SMC2: variants seen among roughly 807,000 people sequenced by gnomAD.
The protein encoded by SMC2 is structural maintenance of chromosomes protein 2.
SMC2 carries 41 observed loss-of-function variants against 142.6 expected under a neutral mutation model. That is an observed-to-expected ratio of 0.29 (90% CI 0.22 to 0.37). The LOEUF (loss-of-function observed/expected upper bound fraction) is 0.37. Among genes scored for constraint, SMC2 ranks in the 10% least tolerant of loss-of-function variants. The probability of loss-of-function intolerance (pLI) is 1.00; values close to 1 mark genes in which losing one functional copy is unlikely to be tolerated. For synonymous variants in SMC2, 463 were observed against 457.5 expected (o/e 1.01, Z -0.15); for missense variants, 1,265 against 1,373.7 (o/e 0.92, Z 1.25).
intron 7 of SMC2, among the ~76,000 whole-genome samples, chr9:104,100,758 C>G (rs1352679371): frequency 6.6e-6 from 1 of 152,140 alleles, no homozygotes; most frequent in Non-Finnish European, 1.5e-5. Context: ...ATAAGGCACT[C>G]TTAGACACCC....
chr9:104,139,770 A>G lies in SMC2; in HGVS notation c.*455A>G, dbSNP rs543701414. On this transcript the variant is annotated 3_prime_UTR_variant, in exon 25 of 25. Transcript: ENST00000374793. ...AACTGGACCAACAAAGGGAACACATATAAAGCTATTATGCATGCATGGAGC... is the reference window on the plus strand; with the variant it reads ...AACTGGACCAACAAAGGGAACACATGTAAAGCTATTATGCATGCATGGAGC... 6.4e-6 allele frequency: 1 copy of G among 155,042 alleles called. No individual in the cohort carries two copies. Among genetic ancestry groups the G allele is most frequent in the East Asian group, 1.9e-4 (1 of 5,242 alleles). The allele number at this position is 155,042 out of a possible 1,614,324, so 9.6% of individuals were successfully genotyped here.
At chr9:104,118,994 C>T (rs2900359) in intron 15 of SMC2, among the ~76,000 whole-genome samples, 4,206 of 152,174 alleles carry the variant, frequency 0.028, 197 homozygotes, top group African/African-American at 0.096. Context: ...GCTTAAATAA[C>T]GCACTACAGG....
chr9:104,129,879 T>G (rs771867454), intron 21 of SMC2, 34 bp downstream of exon 21: 2 of 1,531,732 alleles, frequency 1.3e-6, no homozygotes, highest in East Asian at 2.3e-5. Flanking sequence ...CTGGCCGCAT[T>G]AGAACATGAC....
intron 9 of SMC2, among the ~76,000 whole-genome samples, chr9:104,106,379 T>G (rs943589671): frequency 8.5e-5 from 13 of 152,094 alleles, no homozygotes; most frequent in South Asian, 4.2e-4. Context: ...GATTTTTATT[T>G]ATTTTATTTT....
intron 13 of SMC2, 31 bp downstream of exon 13, chr9:104,114,860 A>C: frequency 6.3e-7 from 1 of 1,575,890 alleles, no homozygotes; most frequent in Non-Finnish European, 8.6e-7. Context: ...AAAAATTTAA[A>C]ATTTGGTTAG....
In SMC2 at chr9:104,114,040, A is replaced by C; in HGVS notation, c.1491A>C (p.Glu497Asp). ...TTGGTAGATTGAAAGAAACATATGAAGCTCTATTAGCCAGATTTCCCAATC... is the reference window on the plus strand; with the variant it reads ...TTGGTAGATTGAAAGAAACATATGACGCTCTATTAGCCAGATTTCCCAATC... ...RDIGRLKETYEALLARFPNLR... is the reference protein window; with the variant it reads ...RDIGRLKETYDALLARFPNLR... The change falls in exon 12 of 25, where the codon GAA becomes GAC. Residue 497 changes from glutamate (E) to aspartate (D), a missense_variant. Glu to Asp is a conservative substitution (Grantham distance 45). This residue lies in a region of SMC2 where 898 missense variants were observed against 904.2 expected (regional missense o/e 0.99). Transcript: ENST00000374793. 6.3e-7 allele frequency: 1 copy of C among 1,599,006 alleles called. No individual in the cohort carries two copies. Among genetic ancestry groups the C allele is most frequent in the South Asian group, 1.1e-5 (1 of 87,906 alleles).
chr9:104,093,547 A>G (rs1830123163), upstream of SMC2, among the ~76,000 whole-genome samples: 1 of 152,138 alleles, frequency 6.6e-6, no homozygotes. Flanking sequence ...AATATTCAGA[A>G]CTCAATAACA....
chr9:104,109,430 C>T (rs1236922866), intron 9 of SMC2, among the ~76,000 whole-genome samples: 1 of 152,194 alleles, frequency 6.6e-6, no homozygotes, highest in African/African-American at 2.4e-5. Flanking sequence ...CTGCCAACCT[C>T]GTTCAAGCCA....
In SMC2 at chr9:104,139,627, G is replaced by C. The variant is rs1835900748; in HGVS notation, c.*312G>C. On this transcript the variant is annotated 3_prime_UTR_variant, in exon 25 of 25. Coordinates refer to ENST00000374793, the MANE Select transcript of SMC2 (RefSeq NM_006444.3). ...TATGTAAAAGCTAATATACAAAAAA[G>C]CAGATTAAATTACATGATAAATGTA... is the stretch of plus-strand genomic sequence containing the variant. The C allele has an allele frequency of 5.2e-6, 1 of 191,064 alleles. No homozygotes were observed. The highest frequency in any genetic ancestry group is 1.1e-5 in the Non-Finnish European group (1 of 94,928). The allele number at this position is 191,064 out of a possible 1,614,324, so 11.8% of individuals were successfully genotyped here.
chr9:104,090,730 C>A (rs1176803328), upstream of SMC2, among the ~76,000 whole-genome samples: 1 of 152,084 alleles, frequency 6.6e-6, no homozygotes, highest in Non-Finnish European at 1.5e-5. Flanking sequence ...GTCCCATAAA[C>A]AAAACCATCC....
intron 6 of SMC2, 29 bp downstream of exon 6, chr9:104,100,232 GAGA>G (rs1564069716): frequency 2.7e-6 from 4 of 1,476,542 alleles, no homozygotes; most frequent in South Asian, 1.3e-5. Flanking sequence ...AATATTTTCG[GAGA>G]AGAATGTAAT....
At chr9:104,129,936 A>G in intron 21 of SMC2, 91 bp downstream of exon 21, 1 of 944,264 alleles carries the variant, frequency 1.1e-6, no homozygotes. Flanking sequence ...ATTAGAGTTA[A>G]CCTTTTGCAG....
Position 104,098,532 on chromosome 9 carries a change from C to T in SMC2, c.405C>T (p.Gly135=), listed in dbSNP as rs1357273272. ...TRVQDLFCSV[G]LNVNNPHFLI... is the part of the protein sequence containing the mutation. ...TACAGGATCTCTTCTGTTCTGTTGG[C>T]CTTAATGTTAACAACCCTCACTTTC... The change falls in exon 4 of 25, where the codon GGC becomes GGT. Residue 135 remains glycine (G), a synonymous_variant. Coordinates refer to ENST00000374793, the MANE Select transcript of SMC2 (RefSeq NM_006444.3). The T allele has an allele frequency of 2.8e-5, 44 of 1,595,680 alleles. No individual in the cohort carries two copies. The highest frequency in any genetic ancestry group is 4.1e-5 in the African/African-American group (3 of 73,716).
At position 104,139,361 on chromosome 9, in the gene SMC2, A is replaced by C. The variant is rs1161403001; in HGVS notation, c.*46A>C. ...TCTTGACCTGTTTTTTTAAATGTAA[A>C]CTTTTAAGGACTTGAGATAACTAAT... On this transcript the variant is annotated 3_prime_UTR_variant, in exon 25 of 25. Transcript: ENST00000374793. The C allele has an allele frequency of 1.4e-6, 2 of 1,450,266 alleles. No individual in the cohort carries two copies. The highest frequency in any genetic ancestry group is 1.9e-6 in the Non-Finnish European group (2 of 1,073,418). 89.8% of individuals were successfully genotyped at this position (1,450,266 alleles called of 1,614,324 possible). A position where few individuals can be genotyped will look rare whatever the true frequency, so the allele number is the denominator to read the frequency against.
At chr9:104,116,954 T>A (rs1280532592) in intron 14 of SMC2, among the ~76,000 whole-genome samples, 1 of 152,236 alleles carries the variant, frequency 6.6e-6, no homozygotes, top group African/African-American at 2.4e-5. Flanking sequence ...TCAGTTTTTT[T>A]ATTGATCAGA....
intron 1 of SMC2, 148 bp downstream of exon 1, chr9:104,094,625 C>T (rs554021921): frequency 1.3e-4 from 49 of 381,612 alleles, no homozygotes; most frequent in African/African-American, 9.4e-4. Flanking sequence ...GAAATAAAGG[C>T]TAGCTTCTGT....
intron 16 of SMC2, among the ~76,000 whole-genome samples, chr9:104,122,311 A>G (rs1410895319): frequency 3.3e-5 from 5 of 152,218 alleles, no homozygotes; most frequent in South Asian, 4.1e-4. Flanking sequence ...AGCTAAAGCC[A>G]TTGTTTCACA....
intron 14 of SMC2, among the ~76,000 whole-genome samples, chr9:104,116,759 A>G (rs1833164364): frequency 6.6e-6 from 1 of 152,202 alleles, no homozygotes; most frequent in African/African-American, 2.4e-5. Context: ...GTTCTTCTAG[A>G]TTGCTATTCA....
At chr9:104,123,625 T>C (rs1181915869) in intron 17 of SMC2, among the ~76,000 whole-genome samples, 1 of 152,190 alleles carries the variant, frequency 6.6e-6, no homozygotes, top group African/African-American at 2.4e-5. Context: ...TTTATACTTG[T>C]GTGAATTTTC....
Sources: gnomAD v4.1 joint callset for allele counts (sites outside exome capture counted in the v4.1 genomes callset) on GRCh38, gnomAD v4.1.1 for gene constraint, gnomAD v4.1.1 regional missense constraint, MANE v1.5 for transcripts, NCBI Gene and HGNC (gene_info 2026-07-23, HGNC 2026-07-21) for gene names.